Variants in CCDC63 observed in about 807,000 individuals in gnomAD.
CCDC63 encodes the protein coiled-coil domain-containing protein 63.
In CCDC63, 54 loss-of-function variants were observed where a neutral mutation model predicts 63.6. The ratio of observed to expected loss-of-function variants is 0.85; its 90% CI spans 0.68 to 1.07. The LOEUF is 1.07. Ranked by LOEUF, CCDC63 falls within the 50% of genes least tolerant of loss-of-function variation. CCDC63 has a pLI of 0.00. For synonymous variants in CCDC63, 253 were observed against 266.1 expected (o/e 0.95, Z 0.48); for missense variants, 637 against 689.6 (o/e 0.92, Z 0.86).
chr12:110,894,500 G>A (rs962199810), intron 9 of CCDC63, among the ~76,000 whole-genome samples: 1 of 152,088 alleles, frequency 6.6e-6, no homozygotes, highest in Non-Finnish European at 1.5e-5. Context: ...TGTCTGACGC[G>A]CACCTGGGAG....
intron 10 of CCDC63, among the ~76,000 whole-genome samples, chr12:110,902,429 G>T (rs900350424): frequency 1.3e-5 from 2 of 152,078 alleles, no homozygotes; most frequent in Non-Finnish European, 2.9e-5. Flanking sequence ...CCTGCATCTT[G>T]TTCCTACCTT....
At chr12:110,883,239 T>C (rs934810409) in intron 7 of CCDC63, among the ~76,000 whole-genome samples, 1 of 152,114 alleles carries the variant, frequency 6.6e-6, no homozygotes, top group Non-Finnish European at 1.5e-5. Context: ...GGTTTCACCA[T>C]GTTGGCCAGG....
intron 8 of CCDC63, among the ~76,000 whole-genome samples, chr12:110,890,477 ATAT>A (rs2071342052): frequency 6.6e-6 from 1 of 152,156 alleles, no homozygotes; most frequent in Non-Finnish European, 1.5e-5. Context: ...TTGTGTAAAT[ATAT>A]TATTATACAC....
chr12:110,844,772 T>C (rs2070621078), upstream of CCDC63, among the ~76,000 whole-genome samples: 1 of 152,140 alleles, frequency 6.6e-6, no homozygotes, highest in South Asian at 2.1e-4. Context: ...GACTGTTACC[T>C]GAACAAATTG....
intron 4 of CCDC63, 122 bp downstream of exon 4, chr12:110,858,897 G>A (rs2070814768): frequency 3.9e-6 from 3 of 767,750 alleles, no homozygotes; most frequent in Non-Finnish European, 4.2e-6. Flanking sequence ...CCTCTGGACA[G>A]CCCGCTAAAT....
chr12:110,865,488 A>G (rs2070935041), intron 4 of CCDC63, among the ~76,000 whole-genome samples: 2 of 151,804 alleles, frequency 1.3e-5, no homozygotes, highest in Non-Finnish European at 2.9e-5. Flanking sequence ...AAAAAGAAAA[A>G]AGAAAAAGAA....
At chr12:110,863,979 C>A (rs183015898) in intron 4 of CCDC63, among the ~76,000 whole-genome samples, 1 of 152,394 alleles carries the variant, frequency 6.6e-6, no homozygotes, top group Non-Finnish European at 1.5e-5. Flanking sequence ...TAGCCACATT[C>A]ATCCTCACAG....
intron 4 of CCDC63, among the ~76,000 whole-genome samples, chr12:110,865,146 T>G (rs2070926452): frequency 6.6e-6 from 1 of 152,132 alleles, no homozygotes; most frequent in African/African-American, 2.4e-5. Flanking sequence ...TTTCTCACGG[T>G]GGCCTTGGAT....
chr12:110,905,901 T>TAATATATATTATATAA (rs1346748555), intron 11 of CCDC63, among the ~76,000 whole-genome samples: 56 of 3,752 alleles, frequency 0.015, 1 homozygote, highest in Non-Finnish European at 0.023. Flanking sequence ...ATATTATATA[T>TAATATATATTATATAA]AATATATATT....
chr12:110,850,402 C>G (rs1368205363), intron 1 of CCDC63, among the ~76,000 whole-genome samples: 1 of 152,214 alleles, frequency 6.6e-6, no homozygotes, highest in Admixed American at 6.5e-5. Context: ...GTTGGGGAGG[C>G]AATGAACTGA....
intron 8 of CCDC63, among the ~76,000 whole-genome samples, chr12:110,888,243 G>A (rs759678255): frequency 6.6e-6 from 1 of 152,164 alleles, no homozygotes; most frequent in Admixed American, 6.5e-5. Context: ...GGCAGGCCTG[G>A]AAGTGGGCAG....
At chr12:110,868,641 G>A (rs1457476061) in intron 4 of CCDC63, among the ~76,000 whole-genome samples, 2 of 151,336 alleles carry the variant, frequency 1.3e-5, no homozygotes. Context: ...GAATCATGCA[G>A]GGAGGTTGCA....
chr12:110,873,092 C>T (rs1253990850), intron 4 of CCDC63, among the ~76,000 whole-genome samples: 1 of 152,080 alleles, frequency 6.6e-6, no homozygotes, highest in African/African-American at 2.4e-5. Flanking sequence ...AAAAATTAGA[C>T]AGGCATGGCG....
At chr12:110,878,419 A>G (rs1240055932) in intron 5 of CCDC63, among the ~76,000 whole-genome samples, 1 of 152,046 alleles carries the variant, frequency 6.6e-6, no homozygotes, top group East Asian at 1.9e-4. Context: ...GGTTCAAATG[A>G]TTCTCTTGCC....
chr12:110,856,103 T>G (rs1267713504), intron 3 of CCDC63, among the ~76,000 whole-genome samples: 1 of 150,314 alleles, frequency 6.7e-6, no homozygotes, highest in East Asian at 1.9e-4. Flanking sequence ...TTTTTTTTTT[T>G]GAGATGGAGT....
At chr12:110,890,776 T>TC (rs1366388469) in intron 8 of CCDC63, among the ~76,000 whole-genome samples, 25 of 143,330 alleles carry the variant, frequency 1.7e-4, no homozygotes, top group Non-Finnish European at 3.4e-4. Flanking sequence ...TCCTTTTCTT[T>TC]TTTTTTTTTT....
chr12:110,890,523 T>C lies in CCDC63; in HGVS notation c.1075-2553T>C, dbSNP rs950420948. ...AAAGTGTAGGCAATTCAGAAAAACA[T>C]AAAGAAAAAGTAAAAGTCACCAAGA... is the stretch of plus-strand genomic sequence containing the variant. On this transcript the variant is annotated intron_variant, in intron 8 of 11. Coordinates refer to ENST00000308208, the MANE Select transcript of CCDC63 (RefSeq NM_152591.3). Among the ~76,000 whole-genome samples, 9 of 152,168 alleles carry C rather than the reference T, an allele frequency of 5.9e-5. No homozygotes were observed. The Middle Eastern group carries it at 0.01, about 173-fold the overall frequency.
intron 5 of CCDC63, among the ~76,000 whole-genome samples, chr12:110,876,908 G>C (rs775650332): frequency 6.7e-6 from 1 of 150,120 alleles, no homozygotes; most frequent in African/African-American, 2.4e-5. Context: ...GCTGAGTGTT[G>C]TGGCCTGCAC....
rs751948589 is a variant in CCDC63, at chr12:110,879,917, C to T, written c.501C>T (p.His167=). The change falls in exon 6 of 12, where the codon CAC becomes CAT. Residue 167 remains histidine (H), a synonymous_variant. Transcript: ENST00000308208. The part of the protein sequence containing the change: ...LETRLNLVTV[H]FDKMLTTNAK... ...GGCCCTTTCAACAGGTCACTGTTCA[C>T]TTTGACAAGATGCTGACCACTAATG... 5 of 1,614,144 alleles carry T rather than the reference C, an allele frequency of 3.1e-6. No homozygotes were observed. Among genetic ancestry groups the T allele is most frequent in the Non-Finnish European group, 4.2e-6 (5 of 1,179,990 alleles).
Sources: gnomAD v4.1 joint callset for allele counts (sites outside exome capture counted in the v4.1 genomes callset) on GRCh38, gnomAD v4.1.1 for gene constraint, MANE v1.5 for transcripts, NCBI Gene and HGNC (gene_info 2026-07-23, HGNC 2026-07-21) for gene names.